The following PBX1 variants were observed in gnomAD, a reference collection of about 807,000 sequenced individuals.
The protein encoded by PBX1 is PBX homeobox 1.
A neutral mutation model predicts 53.4 loss-of-function variants in PBX1; 6 were observed. That is an observed-to-expected ratio of 0.11 (90% CI 0.06 to 0.22). The LOEUF is 0.22. Ranked by LOEUF, PBX1 falls within the 10% of genes least tolerant of loss-of-function variation. The pLI, the probability that PBX1 is intolerant of heterozygous loss-of-function variation, is 1.00. For synonymous variants in PBX1, 204 were observed against 212.3 expected (o/e 0.96, Z 0.34); for missense variants, 251 against 551.4 (o/e 0.46, Z 5.46).
At chr1:164,841,118 C>T (rs1211673299) in intron 8 of PBX1, among the ~76,000 whole-genome samples, 1 of 152,158 alleles carries the variant, frequency 6.6e-6, no homozygotes, top group Non-Finnish European at 1.5e-5. Flanking sequence ...TACAGCAGCA[C>T]ATGTGCTGTG....
chr1:164,657,786 G>A lies in PBX1; in HGVS notation c.265+94475G>A, dbSNP rs192174245. On this transcript the variant is annotated intron_variant, in intron 2 of 8. Transcript: ENST00000420696. ...TCTTTTTTCTACCTGAGTTAGATTTGCCTTTCATTTGCTCACCCTGATCTG... is the reference window on the plus strand; with the variant it reads ...TCTTTTTTCTACCTGAGTTAGATTTACCTTTCATTTGCTCACCCTGATCTG... Among the ~76,000 whole-genome samples, 18 of 152,258 alleles carry A rather than the reference G, an allele frequency of 1.2e-4. 1 individual carries two copies. Among genetic ancestry groups the A allele is most frequent in the Non-Finnish European group, 2.2e-4 (15 of 67,998 alleles).
rs562096001 is a variant in PBX1 at position 164,847,057 on chromosome 1, GTGTT to G, written c.*385_*388del. On this transcript the variant is annotated 3_prime_UTR_variant, in exon 9 of 9. Transcript: ENST00000420696. ...AAAAATTACAAAGAAAATAATAAAA[GTGTT>G]TGTACGTTTTCATGCTGGTGGTTTG... 781 of 1,110,594 alleles carry G rather than the reference GTGTT, an allele frequency of 7.0e-4. No homozygotes were observed. Among genetic ancestry groups the G allele is most frequent in the Non-Finnish European group, 8.4e-4 (761 of 905,524 alleles). 68.8% of individuals were successfully genotyped at this position (1,110,594 alleles called of 1,614,324 possible). A position where few individuals can be genotyped will look rare whatever the true frequency, so the allele number is the denominator to read the frequency against.
intron 2 of PBX1, among the ~76,000 whole-genome samples, chr1:164,863,868 A>T (rs926129305): frequency 6.6e-6 from 1 of 152,200 alleles, no homozygotes; most frequent in African/African-American, 2.4e-5. Flanking sequence ...CTCATTTTTC[A>T]TGCCCCAGAG....
intron 2 of PBX1, among the ~76,000 whole-genome samples, chr1:164,740,367 T>TAA (rs58047302): frequency 6.9e-6 from 1 of 144,692 alleles, no homozygotes; most frequent in African/African-American, 2.5e-5. Context: ...ATGGAAAAAA[T>TAA]AAAAAAAAAA....
At chr1:164,593,599 G>T (rs997867929) in intron 2 of PBX1, among the ~76,000 whole-genome samples, 9 of 151,772 alleles carry the variant, frequency 5.9e-5, no homozygotes, top group Non-Finnish European at 1.2e-4. Context: ...GTGGGTATTT[G>T]GTTTACCTCT....
At chr1:164,820,602 A>G (rs576158211) in intron 7 of PBX1, among the ~76,000 whole-genome samples, 2 of 152,284 alleles carry the variant, frequency 1.3e-5, no homozygotes, top group East Asian at 3.9e-4. Flanking sequence ...GCAAGCAAAT[A>G]TATTACTATC....
At chr1:164,878,950 A>G (rs1362840848) in intron 2 of PBX1, among the ~76,000 whole-genome samples, 2 of 152,206 alleles carry the variant, frequency 1.3e-5, no homozygotes, top group African/African-American at 2.4e-5. Context: ...AGCATAGGAG[A>G]AACTTAAGTG....
At chr1:164,569,217 G>A (rs1434464381) in intron 2 of PBX1, among the ~76,000 whole-genome samples, 2 of 152,126 alleles carry the variant, frequency 1.3e-5, no homozygotes, top group African/African-American at 4.8e-5. Flanking sequence ...GACTCTCTGA[G>A]TTTGTATCCT....
At chr1:164,641,162 G>A (rs573698137) in intron 2 of PBX1, 4 of 153,272 alleles carry the variant, frequency 2.6e-5, no homozygotes, top group Admixed American at 6.5e-5. Flanking sequence ...TGCCTCTGAC[G>A]GTCACATTCC....
At chr1:164,792,781 A>T in intron 3 of PBX1, 43 bp downstream of exon 3, 1 of 1,465,458 alleles carries the variant, frequency 6.8e-7, no homozygotes. Flanking sequence ...GCCCTTTAGG[A>T]AAGGGTGGAG....
chr1:164,655,116 T>A (rs1169006260), intron 2 of PBX1, among the ~76,000 whole-genome samples: 3 of 135,936 alleles, frequency 2.2e-5, no homozygotes, highest in African/African-American at 8.9e-5. Flanking sequence ...TTTTTTTTTT[T>A]ATTTTTATTT....
At chr1:164,875,476 T>TATA (rs1571551927) in intron 2 of PBX1, among the ~76,000 whole-genome samples, 2 of 152,034 alleles carry the variant, frequency 1.3e-5, no homozygotes, top group African/African-American at 4.8e-5. Flanking sequence ...CTAATTTTTG[T>TATA]ATTTTTTGTA....
intron 2 of PBX1, among the ~76,000 whole-genome samples, chr1:164,784,210 T>A (rs1558005914): frequency 6.6e-6 from 1 of 152,200 alleles, no homozygotes; most frequent in Non-Finnish European, 1.5e-5. Flanking sequence ...AGGCCAAAGC[T>A]TGTGTAAGTC....
chr1:164,865,261 T>C lies in PBX1; in HGVS notation n.257+33778T>C, dbSNP rs143137345. On this transcript the variant is annotated intron_variant and non_coding_transcript_variant, in intron 2 of 2. Transcript: ENST00000558796. The stretch of plus-strand genomic sequence containing the variant: ...TCTCATTAAATGTGTGTTGAATGAA[T>C]GGATCCGTTTATGCTGCCCTAAAGC... Among the ~76,000 whole-genome samples the C allele has an allele frequency of 2.3e-3, 347 of 152,320 alleles. 12 individuals carry two copies. Among genetic ancestry groups the C allele is most frequent in the Admixed American group, 0.017 (253 of 15,294 alleles).
intron 2 of PBX1, chr1:164,682,325 C>G (rs1326348756): frequency 2.0e-5 from 3 of 152,094 alleles, no homozygotes; most frequent in Non-Finnish European, 4.4e-5. Flanking sequence ...TCGAAAAAAG[C>G]CTGGTTTTGG....
At chr1:164,827,265 G>A (rs1271774943) in intron 8 of PBX1, among the ~76,000 whole-genome samples, 1 of 152,202 alleles carries the variant, frequency 6.6e-6, no homozygotes, top group African/African-American at 2.4e-5. Flanking sequence ...AAATTCATAT[G>A]CATATCTTTG....
chr1:164,870,266 CTTCTTTCTTTCTTTCTTTCT>C (rs1162744857), intron 2 of PBX1, among the ~76,000 whole-genome samples: 116 of 45,146 alleles, frequency 2.6e-3, no homozygotes, highest in African/African-American at 3.8e-3. Context: ...TCCTTCCTTC[CTTCTTTCTTTCTTTCTTTCT>C]TTCTTTCTTT....
chr1:164,650,532 G>C (rs1659739696), intron 2 of PBX1, among the ~76,000 whole-genome samples: 1 of 152,210 alleles, frequency 6.6e-6, no homozygotes, highest in East Asian at 1.9e-4. Flanking sequence ...AACTATCGTT[G>C]CTACTTTCTA....
At chr1:164,865,068 A>G (rs926991529) in intron 2 of PBX1, among the ~76,000 whole-genome samples, 2 of 152,198 alleles carry the variant, frequency 1.3e-5, no homozygotes, top group African/African-American at 4.8e-5. Context: ...GGCACCACCA[A>G]TTTGTCTAGC....
Sources: gnomAD v4.1 joint callset for allele counts (sites outside exome capture counted in the v4.1 genomes callset) on GRCh38, gnomAD v4.1.1 for gene constraint, MANE v1.5 for transcripts, NCBI Gene and HGNC (gene_info 2026-07-23, HGNC 2026-07-21) for gene names.